PARD3B: variants seen among roughly 807,000 people sequenced by gnomAD.
The protein encoded by PARD3B is partitioning defective 3 homolog B.
PARD3B carries 103 observed loss-of-function variants against 130.2 expected under a neutral mutation model. That is an observed-to-expected ratio of 0.79 (90% CI 0.67 to 0.93). The LOEUF (loss-of-function observed/expected upper bound fraction) is 0.93, where lower values mean the gene tolerates loss of function less well. Ranked by LOEUF, PARD3B falls within the 40% of genes least tolerant of loss-of-function variation. PARD3B has a pLI of 0.00. For missense variants in PARD3B, 1,609 were observed against 1,499.2 expected (o/e 1.07, Z -1.21); for synonymous variants, 583 against 553.2 (o/e 1.05, Z -0.76).
chr2:204,866,108 C>T (rs923840643), intron 2 of PARD3B, among the ~76,000 whole-genome samples: 1 of 152,104 alleles, frequency 6.6e-6, no homozygotes, highest in Non-Finnish European at 1.5e-5. Flanking sequence ...TTGAGATGCT[C>T]AGTATTTCTA....
chr2:204,758,146 GC>G (rs1434636769), intron 2 of PARD3B, among the ~76,000 whole-genome samples: 4 of 152,116 alleles, frequency 2.6e-5, no homozygotes, highest in Non-Finnish European at 5.9e-5. Context: ...ATCCTCCAGG[GC>G]CTCTCCAAGT....
At chr2:205,169,177 G>C (rs1576044266) in intron 11 of PARD3B, among the ~76,000 whole-genome samples, 2 of 152,108 alleles carry the variant, frequency 1.3e-5, no homozygotes, top group Admixed American at 6.6e-5. Context: ...ATCTTATAAA[G>C]AAAAAGCACA....
intron 22 of PARD3B, among the ~76,000 whole-genome samples, chr2:205,565,520 G>A (rs2053291053): frequency 6.6e-6 from 1 of 152,186 alleles, no homozygotes; most frequent in African/African-American, 2.4e-5. Flanking sequence ...ATGTGGCCAA[G>A]ATAATGTGAA....
chr2:205,436,118 G>A (rs2047506603), intron 19 of PARD3B, among the ~76,000 whole-genome samples: 3 of 152,128 alleles, frequency 2.0e-5, no homozygotes, highest in Admixed American at 6.6e-5. Context: ...TAGCAAAGAG[G>A]GACCTTAGCT....
chr2:205,382,446 C>G (rs758685719), intron 18 of PARD3B, among the ~76,000 whole-genome samples: 1 of 152,068 alleles, frequency 6.6e-6, no homozygotes, highest in African/African-American at 2.4e-5. Context: ...TTTCATTAAG[C>G]CATGTCCGCT....
At chr2:205,482,380 A>G (rs1018476230) in intron 20 of PARD3B, among the ~76,000 whole-genome samples, 1 of 152,152 alleles carries the variant, frequency 6.6e-6, no homozygotes, top group Non-Finnish European at 1.5e-5. Context: ...TGGTGAAGGT[A>G]CAAACCGGAT....
chr2:205,595,624 C>T (rs183573900), intron 22 of PARD3B, among the ~76,000 whole-genome samples: 26 of 152,158 alleles, frequency 1.7e-4, no homozygotes, highest in Admixed American at 8.5e-4. Flanking sequence ...TAAACCAACA[C>T]CAAATATGGC....
chr2:204,956,762 T>C (rs1030438181), intron 2 of PARD3B, among the ~76,000 whole-genome samples: 1 of 152,230 alleles, frequency 6.6e-6, no homozygotes, highest in Non-Finnish European at 1.5e-5. Context: ...TGTGTCTGGT[T>C]TTTTAAATTA....
At chr2:204,976,759 A>G (rs1018949323) in intron 3 of PARD3B, among the ~76,000 whole-genome samples, 2 of 151,914 alleles carry the variant, frequency 1.3e-5, no homozygotes, top group African/African-American at 4.8e-5. Context: ...GGTGCGGGCC[A>G]TCACACCCAG....
At chr2:204,986,401 T>C (rs1693160616) in intron 3 of PARD3B, among the ~76,000 whole-genome samples, 1 of 152,228 alleles carries the variant, frequency 6.6e-6, no homozygotes. Flanking sequence ...AACTGTGATT[T>C]GTCTCAGCAA....
chr2:205,567,481 ATTT>A (rs61638177), intron 22 of PARD3B, among the ~76,000 whole-genome samples: 1 of 113,518 alleles, frequency 8.8e-6, no homozygotes, highest in East Asian at 2.6e-4. Flanking sequence ...TGCCCGGTTA[ATTT>A]TTTTTTTTTT....
At chr2:204,872,725 T>A (rs2045676336) in intron 2 of PARD3B, among the ~76,000 whole-genome samples, 1 of 152,234 alleles carries the variant, frequency 6.6e-6, no homozygotes, top group African/African-American at 2.4e-5. Context: ...GTTCACATAT[T>A]TGGGTAATTA....
chr2:205,061,275 C>T (rs947623178), intron 4 of PARD3B, among the ~76,000 whole-genome samples: 7 of 152,222 alleles, frequency 4.6e-5, no homozygotes, highest in Admixed American at 2.0e-4. Context: ...AAGGTTCTGG[C>T]ATGGCAGTGG....
At chr2:205,212,129 C>G (rs1308613782) in intron 15 of PARD3B, among the ~76,000 whole-genome samples, 2 of 151,990 alleles carry the variant, frequency 1.3e-5, no homozygotes, top group Non-Finnish European at 2.9e-5. Flanking sequence ...TCACTTGAGG[C>G]TAATAGTACC....
intron 3 of PARD3B, among the ~76,000 whole-genome samples, chr2:205,034,064 G>A (rs985859449): frequency 1.3e-5 from 2 of 152,070 alleles, no homozygotes; most frequent in Non-Finnish European, 2.9e-5. Context: ...GTTAGTTGAG[G>A]GGAAACAAAC....
rs1181991730 is a variant in PARD3B at position 205,616,691 on chromosome 2, A to G, written c.*878A>G. On this transcript the variant is annotated 3_prime_UTR_variant, in exon 23 of 23. Coordinates refer to ENST00000406610, the MANE Select transcript of PARD3B (RefSeq NM_001302769.2). ...AAATCTCCTGCCTATAATTACTTTA[A>G]CTGGGGTCTCTAAGGTTCCCACTTG... 6.6e-6 allele frequency: 1 copy of G among 152,098 alleles called. No individual in the cohort carries two copies. Among genetic ancestry groups the G allele is most frequent in the Non-Finnish European group, 1.5e-5 (1 of 68,052 alleles). 9.4% of individuals were successfully genotyped at this position (152,098 alleles called of 1,614,324 possible).
chr2:204,633,435 T>TA (rs1265984302), intron 1 of PARD3B, among the ~76,000 whole-genome samples: 1 of 152,224 alleles, frequency 6.6e-6, no homozygotes, highest in East Asian at 1.9e-4. Context: ...AATAGCATCA[T>TA]ATTTTCACAT....
At chr2:205,089,608 A>T (rs1172726900) in intron 4 of PARD3B, among the ~76,000 whole-genome samples, 1 of 152,142 alleles carries the variant, frequency 6.6e-6, no homozygotes, top group Non-Finnish European at 1.5e-5. Flanking sequence ...CTGTACACCA[A>T]CTACCAAACA....
chr2:204,594,198 G>A (rs1012674451), intron 1 of PARD3B, among the ~76,000 whole-genome samples: 18 of 152,120 alleles, frequency 1.2e-4, no homozygotes, highest in African/African-American at 3.9e-4. Flanking sequence ...ATACAGGACT[G>A]GACTCCTGAA....
Sources: allele counts gnomAD v4.1 joint callset (sites outside exome capture counted in the v4.1 genomes callset), GRCh38; gene constraint gnomAD v4.1.1; transcripts MANE v1.5; gene names NCBI Gene and HGNC (gene_info 2026-07-23, HGNC 2026-07-21).